RPS6KA6: variants seen among roughly 807,000 people sequenced by gnomAD.
The protein encoded by RPS6KA6 is ribosomal protein S6 kinase alpha-6.
Under a neutral mutation model 65.4 loss-of-function variants are expected in RPS6KA6, and 27 were observed. That is an observed-to-expected ratio of 0.41 (90% CI 0.30 to 0.57). The LOEUF is 0.57. Among genes scored for constraint, RPS6KA6 ranks in the 20% least tolerant of loss-of-function variants. The probability of loss-of-function intolerance (pLI) is 0.24; values close to 1 mark genes in which losing one functional copy is unlikely to be tolerated. For synonymous variants in RPS6KA6, 190 were observed against 184.2 expected (o/e 1.03, Z -0.26); for missense variants, 486 against 555.6 (o/e 0.87, Z 1.26).
intron 20 of RPS6KA6, among the ~76,000 whole-genome samples, chrX:84,092,695 TG>T: frequency 9.1e-6 from 1 of 110,131 alleles, no homozygotes; most frequent in South Asian, 3.9e-4. Context: ...AAAAAATAAG[TG>T]TTGACAAAGA....
At chrX:84,145,081 T>C (rs2147542729) in intron 6 of RPS6KA6, among the ~76,000 whole-genome samples, 1 of 111,215 alleles carries the variant, frequency 9.0e-6, no homozygotes, top group South Asian at 3.7e-4. Context: ...ATTGTAATGA[T>C]GGTTTCACAG....
At chrX:84,087,368 G>A (rs1172807070) in intron 20 of RPS6KA6, among the ~76,000 whole-genome samples, 2 of 111,164 alleles carry the variant, frequency 1.8e-5, no homozygotes, top group African/African-American at 3.3e-5. Context: ...AATTCCCTAA[G>A]CATTTACTCA....
rs750890019 is a variant in RPS6KA6 at position 84,105,814 on chromosome X, T to C, written c.1428A>G (p.Gln476=). The C allele has an allele frequency of 2.0e-5, 23 of 1,164,524 alleles. No homozygotes were observed. The South Asian group carries it at 2.7e-4, about 14-fold the overall frequency. Residue 476 remains glutamine (Q), a synonymous_variant, in exon 16 of 22, where the codon CAA becomes CAG. Coordinates refer to ENST00000262752, the MANE Select transcript of RPS6KA6 (RefSeq NM_014496.5). Reference sequence around the variant, plus strand: ...CCTTCAAAGTAATAATGTTGGGATGTTGTCCATAGCGCATCAATATTTCAA... The same window carrying C: ...CCTTCAAAGTAATAATGTTGGGATGCTGTCCATAGCGCATCAATATTTCAA... The part of the protein sequence containing the change: ...EEIEILMRYG[Q]HPNIITLKDV...
At chrX:84,086,261 T>TA (rs1187508895) in intron 20 of RPS6KA6, among the ~76,000 whole-genome samples, 10 of 111,690 alleles carry the variant, frequency 9.0e-5, no homozygotes, top group Non-Finnish European at 1.9e-4. Context: ...GGTTGTTAAT[T>TA]AGAGATCTTT....
chrX:84,136,866 C>A (rs1369765502), intron 6 of RPS6KA6, among the ~76,000 whole-genome samples: 4 of 111,549 alleles, frequency 3.6e-5, no homozygotes, highest in African/African-American at 1.3e-4. Flanking sequence ...GATTAAGTAA[C>A]TTGTCCAAAA....
intron 20 of RPS6KA6, among the ~76,000 whole-genome samples, chrX:84,068,296 T>C (rs1450473434): frequency 1.8e-5 from 2 of 112,522 alleles, no homozygotes; most frequent in East Asian, 5.6e-4. Context: ...ATGGGCTAAA[T>C]GCTTTCCATA....
At chrX:84,093,381 C>T (rs2034087301) in intron 20 of RPS6KA6, among the ~76,000 whole-genome samples, 1 of 112,105 alleles carries the variant, frequency 8.9e-6, no homozygotes, top group South Asian at 3.7e-4. Flanking sequence ...CAAATGTAAG[C>T]AGTAGAACTG....
At chrX:84,154,372 A>G (rs1019674139) in intron 3 of RPS6KA6, among the ~76,000 whole-genome samples, 1 of 111,577 alleles carries the variant, frequency 9.0e-6, no homozygotes, top group African/African-American at 3.3e-5. Context: ...GATAAACAAA[A>G]GCATATATGA....
intron 8 of RPS6KA6, among the ~76,000 whole-genome samples, chrX:84,122,197 A>G (rs1335326991): frequency 2.7e-5 from 3 of 110,950 alleles, no homozygotes; most frequent in Non-Finnish European, 5.7e-5. Context: ...ATGCCCCAGC[A>G]GCAGCCATGC....
chrX:84,096,169 C>A lies in RPS6KA6; in HGVS notation c.1971+25G>T, dbSNP rs748681680. On this transcript the variant is annotated intron_variant, in intron 20 of 21. Transcript: ENST00000262752. ...TTTGAGCAATTTAACATGAATGCAA[C>A]AAAACAAAACATTATAATTTATACC... 3 of 1,005,957 alleles carry A rather than the reference C, an allele frequency of 3.0e-6. No individual in the cohort carries two copies. In the Admixed American group the frequency reaches 6.6e-5, roughly 22 times the overall value. 82.9% of individuals were successfully genotyped at this position (1,005,957 alleles called of 1,213,427 possible). A position where few individuals can be genotyped will look rare whatever the true frequency, so the allele number is the denominator to read the frequency against.
At chrX:84,156,905 G>A (rs1462715803) in intron 2 of RPS6KA6, among the ~76,000 whole-genome samples, 2 of 111,718 alleles carry the variant, frequency 1.8e-5, no homozygotes, top group African/African-American at 3.3e-5. Flanking sequence ...GATGACAGAC[G>A]TATATCACAA....
chrX:84,095,729 T>C (rs1021799148), intron 20 of RPS6KA6, among the ~76,000 whole-genome samples: 1 of 112,057 alleles, frequency 8.9e-6, no homozygotes, highest in Non-Finnish European at 1.9e-5. Flanking sequence ...ATTATATTTC[T>C]ACTGGACCAC....
intron 3 of RPS6KA6, among the ~76,000 whole-genome samples, chrX:84,148,761 A>G (rs1213857628): frequency 1.4e-4 from 16 of 111,556 alleles, no homozygotes; most frequent in Non-Finnish European, 1.7e-4. Flanking sequence ...GTCTTCAGTG[A>G]GATATAATCT....
intron 17 of RPS6KA6, 92 bp from the exon 18 acceptor site, chrX:84,102,290 T>G (rs2034274643): frequency 2.0e-6 from 1 of 505,037 alleles, no homozygotes; most frequent in Admixed American, 6.1e-5. Flanking sequence ...ACTAAATATC[T>G]GAGAAAAAGA....
chrX:84,120,322 C>T (rs188505871), intron 8 of RPS6KA6, among the ~76,000 whole-genome samples: 24 of 110,656 alleles, frequency 2.2e-4, no homozygotes, highest in Admixed American at 1.3e-3. Context: ...TCAAAGCTGC[C>T]GTATTGATCT....
Position 84,096,240 on chromosome X carries a change from A to G in RPS6KA6, c.1925T>C (p.Phe642Ser). The change falls in exon 20 of 22, where the codon TTC (phenylalanine) becomes TCC (serine). Residue 642 changes from phenylalanine (F) to serine (S), a missense_variant. By Grantham distance (155) the Phe-to-Ser change is radical. Transcript: ENST00000262752. ...EILLRIGNGK[F>S]SLSGGNWDNI... Reference sequence around the variant, plus strand: ...GTCCCAGTTTCCACCACTCAAAGAGAATTTTCCATTGCCTATACGCAGCAG... The same window carrying G: ...GTCCCAGTTTCCACCACTCAAAGAGGATTTTCCATTGCCTATACGCAGCAG... 1 of 1,201,761 alleles carries G rather than the reference A, an allele frequency of 8.3e-7. No homozygotes were observed. Among genetic ancestry groups the G allele is most frequent in the Non-Finnish European group, 1.1e-6 (1 of 887,039 alleles).
At chrX:84,081,463 G>A (rs2033798825) in intron 20 of RPS6KA6, among the ~76,000 whole-genome samples, 1 of 111,412 alleles carries the variant, frequency 9.0e-6, no homozygotes, top group Admixed American at 9.6e-5. Context: ...TTCTAAACTC[G>A]AGGCAGTAAT....
At position 84,060,506 on chromosome X, in the gene RPS6KA6, T is replaced by C. The variant is rs151086241; in HGVS notation, c.*3771A>G. ...GTGGGGGGAATAAAACTTCTTATGC[T>C]ATATAGGTCATGTACTGTGAGAAAC... On this transcript the variant is annotated 3_prime_UTR_variant, in exon 22 of 22. Transcript: ENST00000262752. 1,707 of 108,642 alleles carry C rather than the reference T, an allele frequency of 0.016. 10 individuals are homozygous for C. Among genetic ancestry groups the C allele is most frequent in the South Asian group, 0.035 (87 of 2,457 alleles). The allele number at this position is 108,642 out of a possible 1,213,427, so 9.0% of individuals were successfully genotyped here. A position where few individuals can be genotyped will look rare whatever the true frequency, so the allele number is the denominator to read the frequency against.
Position 84,147,005 on chromosome X carries a change from G to T in RPS6KA6, c.394C>A (p.His132Asn). ...TAGTGCAATTTGACAATAAATGGAT[G>T]ATTTACTTCCACCAGTATATCCCTC... is the stretch of plus-strand genomic sequence containing the variant. ...MERDILVEVN[H>N]PFIVKLHYAF... The change falls in exon 5 of 22, where the codon CAT becomes AAT. Residue 132 changes from histidine to asparagine, a missense_variant. His to Asn is a moderately conservative substitution (Grantham distance 68, BLOSUM62 1). Coordinates refer to ENST00000262752, the MANE Select transcript of RPS6KA6 (RefSeq NM_014496.5). 8.5e-7 allele frequency: 1 copy of T among 1,181,212 alleles called. No homozygotes were observed. Among genetic ancestry groups the T allele is most frequent in the Non-Finnish European group, 1.1e-6 (1 of 873,323 alleles).
Sources: gnomAD v4.1 joint callset for allele counts (sites outside exome capture counted in the v4.1 genomes callset) on GRCh38, gnomAD v4.1.1 for gene constraint, MANE v1.5 for transcripts, NCBI Gene and HGNC (gene_info 2026-07-23, HGNC 2026-07-21) for gene names.